The following MID1 variants were observed in gnomAD, a reference collection of about 807,000 sequenced individuals.
MID1 encodes midline 1, also known as E3 ubiquitin-protein ligase Midline-1.
MID1 carries 7 observed loss-of-function variants against 40.4 expected under a neutral mutation model. The ratio of observed to expected loss-of-function variants is 0.17; its 90% CI spans 0.10 to 0.33. The LOEUF is 0.33. MID1 is among the 10% of genes least tolerant of loss of function. MID1 has a pLI of 1.00. For missense variants in MID1, 367 were observed against 558.5 expected, an observed-to-expected ratio of 0.66 and a Z score of 3.46; for synonymous variants, 229 against 221.2, an observed-to-expected ratio of 1.04 and a Z score of -0.31.
chrX:10,805,515 G>C (rs772878833), intron 1 of MID1, among the ~76,000 whole-genome samples: 1 of 105,456 alleles, frequency 9.5e-6, no homozygotes, highest in South Asian at 4.5e-4. Flanking sequence ...ATTGGGAATA[G>C]TGCCGCAATA....
At chrX:10,653,435 C>T (rs932609864) in intron 1 of MID1, among the ~76,000 whole-genome samples, 6 of 112,058 alleles carry the variant, frequency 5.4e-5, no homozygotes, top group African/African-American at 9.7e-5. Context: ...AACTCTGGTG[C>T]GGTAACCAAA....
intron 1 of MID1, among the ~76,000 whole-genome samples, chrX:10,666,128 A>ACCCTATTTCACTTTCCC (rs2042949155): frequency 9.0e-6 from 1 of 110,905 alleles, no homozygotes; most frequent in East Asian, 2.9e-4. Context: ...AAAGAGTGAA[A>ACCCTATTTCACTTTCCC]TAGGGAAAGG....
intron 3 of MID1, among the ~76,000 whole-genome samples, chrX:10,501,073 G>A (rs1403668826): frequency 8.9e-6 from 1 of 111,937 alleles, no homozygotes; most frequent in Admixed American, 9.4e-5. Context: ...CACTTTGGGA[G>A]GCCGAGGCAG....
At chrX:10,676,026 C>G (rs933025554) in intron 1 of MID1, among the ~76,000 whole-genome samples, 1 of 111,927 alleles carries the variant, frequency 8.9e-6, no homozygotes, top group Non-Finnish European at 1.9e-5. Flanking sequence ...TGGCTTGGAT[C>G]TGAACGGCTC....
chrX:10,735,391 C>T (rs946621258), intron 1 of MID1, among the ~76,000 whole-genome samples: 1 of 111,609 alleles, frequency 9.0e-6, no homozygotes, highest in East Asian at 2.8e-4. Context: ...CGTGAGCCAC[C>T]GTGCCTGGCC....
At chrX:10,510,447 G>A (rs997473588) in intron 3 of MID1, among the ~76,000 whole-genome samples, 1 of 111,681 alleles carries the variant, frequency 9.0e-6, no homozygotes, top group Middle Eastern at 4.6e-3. Flanking sequence ...CACTTCAAAT[G>A]CTAACAGGAT....
intron 1 of MID1, among the ~76,000 whole-genome samples, chrX:10,738,264 G>A (rs2043500005): frequency 8.9e-6 from 1 of 112,005 alleles, no homozygotes; most frequent in Non-Finnish European, 1.9e-5. Context: ...CACATAACAG[G>A]AAATGCTCCA....
intron 3 of MID1, among the ~76,000 whole-genome samples, chrX:10,521,809 C>T (rs1569082773): frequency 1.8e-5 from 2 of 112,084 alleles, no homozygotes; most frequent in African/African-American, 6.5e-5. Flanking sequence ...CCCTTGGTAC[C>T]TGTAAATGGG....
chrX:10,472,983 A>G (rs1183055876), intron 6 of MID1, among the ~76,000 whole-genome samples: 3 of 112,674 alleles, frequency 2.7e-5, no homozygotes, highest in Non-Finnish European at 3.7e-5. Context: ...CGCAAATGAT[A>G]TAAGAAAAAG....
chrX:10,580,979 T>C (rs1443796209), intron 1 of MID1, among the ~76,000 whole-genome samples: 2 of 104,708 alleles, frequency 1.9e-5, no homozygotes, highest in Non-Finnish European at 3.9e-5. Context: ...TCAGGCGCAG[T>C]GGCTCACGCC....
At chrX:10,818,798 A>T (rs1014698510) in intron 1 of MID1, among the ~76,000 whole-genome samples, 5 of 112,249 alleles carry the variant, frequency 4.5e-5, no homozygotes, top group African/African-American at 1.6e-4. Context: ...CTTCTAATTT[A>T]GTCTTATCAA....
intron 3 of MID1, among the ~76,000 whole-genome samples, chrX:10,506,979 T>C (rs1161845536): frequency 2.7e-5 from 3 of 111,797 alleles, no homozygotes; most frequent in East Asian, 5.6e-4. Context: ...GACCAAAATG[T>C]ATATTTCCTC....
intron 1 of MID1, among the ~76,000 whole-genome samples, chrX:10,660,444 C>T (rs2042903200): frequency 8.9e-6 from 1 of 112,317 alleles, no homozygotes; most frequent in Non-Finnish European, 1.9e-5. Flanking sequence ...GCCATTTACA[C>T]GGCATGGGAA....
chrX:10,498,239 G>A (rs1484839208), intron 3 of MID1, among the ~76,000 whole-genome samples: 1 of 111,852 alleles, frequency 8.9e-6, no homozygotes, highest in Non-Finnish European at 1.9e-5. Context: ...GAGTAGCTGG[G>A]ACTACAGGCA....
intron 1 of MID1, among the ~76,000 whole-genome samples, chrX:10,685,485 G>A (rs916668053): frequency 1.8e-5 from 2 of 111,637 alleles, no homozygotes; most frequent in East Asian, 5.6e-4. Context: ...TGGCCATAAC[G>A]AAATTCCCTG....
rs1935919197 is a variant in MID1 at position 10,620,517 on chromosome X, C to T, written c.-284G>A. On this transcript the variant is annotated 5_prime_UTR_variant, in exon 1 of 10. Transcript: ENST00000317552. Reference sequence around the variant, plus strand: ...AATGTCAAGTTTCTCAACCTTTTCTCCCCCAGCCTATGAAAAGTCGGTCGC... The same window carrying T: ...AATGTCAAGTTTCTCAACCTTTTCTTCCCCAGCCTATGAAAAGTCGGTCGC... 8.9e-6 allele frequency: 1 copy of T among 112,770 alleles called. No individual in the cohort carries two copies. The highest frequency in any genetic ancestry group is 3.2e-5 in the African/African-American group (1 of 30,937). The allele number at this position is 112,770 out of a possible 1,213,427, so 9.3% of individuals were successfully genotyped here. A position where few individuals can be genotyped will look rare whatever the true frequency, so the allele number is the denominator to read the frequency against.
chrX:10,767,659 G>A (rs192078921), intron 1 of MID1, among the ~76,000 whole-genome samples: 4 of 111,878 alleles, frequency 3.6e-5, no homozygotes, highest in African/African-American at 1.3e-4. Flanking sequence ...TTAGGCTTGT[G>A]ATTGTAAGTT....
chrX:10,722,733 T>C (rs1184847574), intron 1 of MID1, among the ~76,000 whole-genome samples: 1 of 112,091 alleles, frequency 8.9e-6, no homozygotes, highest in African/African-American at 3.2e-5. Context: ...AGCCAAATCA[T>C]GTCCTGAAAT....
At chrX:10,757,575 A>T (rs1209401750) in intron 1 of MID1, among the ~76,000 whole-genome samples, 2 of 112,255 alleles carry the variant, frequency 1.8e-5, no homozygotes, top group Non-Finnish European at 3.8e-5. Flanking sequence ...GAGAATTTTT[A>T]AAAGTCATTT....
Sources: gnomAD v4.1 joint callset for allele counts (sites outside exome capture counted in the v4.1 genomes callset) on GRCh38, gnomAD v4.1.1 for gene constraint, MANE v1.5 for transcripts, NCBI Gene and HGNC (gene_info 2026-07-23, HGNC 2026-07-21) for gene names.